Variants in ADGRB3 observed in about 807,000 individuals in gnomAD.
ADGRB3 encodes the protein brain-specific angiogenesis inhibitor 3.
ADGRB3 carries 37 observed loss-of-function variants against 193.4 expected under a neutral mutation model. The ratio of observed to expected loss-of-function variants is 0.19; its 90% CI spans 0.15 to 0.25. The LOEUF (loss-of-function observed/expected upper bound fraction) is 0.25, where lower values mean the gene tolerates loss of function less well. ADGRB3 is among the 10% of genes least tolerant of loss of function. The probability of loss-of-function intolerance (pLI) is 1.00; values close to 1 mark genes in which losing one functional copy is unlikely to be tolerated. For missense variants in ADGRB3, 1,637 were observed against 1,852.9 expected (o/e 0.88, Z 2.14); for synonymous variants, 690 against 644.2 (o/e 1.07, Z -1.08).
chr6:69,009,863 C>A (rs1000944894), intron 11 of ADGRB3, among the ~76,000 whole-genome samples: 1 of 152,052 alleles, frequency 6.6e-6, no homozygotes, highest in African/African-American at 2.4e-5. Context: ...TAATCTACAA[C>A]TCTATTTCCA....
At chr6:69,061,905 G>A (rs1445574860) in intron 15 of ADGRB3, among the ~76,000 whole-genome samples, 1 of 151,772 alleles carries the variant, frequency 6.6e-6, no homozygotes, top group African/African-American at 2.4e-5. Flanking sequence ...TACTTACATG[G>A]TAGTATATTA....
intron 13 of ADGRB3, among the ~76,000 whole-genome samples, chr6:69,036,024 A>T (rs1373683440): frequency 6.6e-6 from 1 of 152,166 alleles, no homozygotes; most frequent in East Asian, 1.9e-4. Context: ...AAGTCCAAGT[A>T]GACAGTTTAG....
intron 3 of ADGRB3, among the ~76,000 whole-genome samples, chr6:68,752,421 C>T (rs960743042): frequency 6.6e-6 from 1 of 151,776 alleles, no homozygotes; most frequent in Non-Finnish European, 1.5e-5. Context: ...AGATTACAGG[C>T]GTGCACCACC....
At chr6:69,080,788 T>C (rs1011310591) in intron 17 of ADGRB3, among the ~76,000 whole-genome samples, 1 of 152,088 alleles carries the variant, frequency 6.6e-6, no homozygotes, top group South Asian at 2.1e-4. Context: ...CTTCAAGAAG[T>C]TATGTTACCT....
chr6:69,285,240 T>C (rs917840943), intron 20 of ADGRB3, among the ~76,000 whole-genome samples: 1 of 152,182 alleles, frequency 6.6e-6, no homozygotes, highest in Non-Finnish European at 1.5e-5. Flanking sequence ...GAACAGAAAC[T>C]AGCCTATGAT....
At chr6:68,668,893 G>A (rs113886311) in intron 3 of ADGRB3, among the ~76,000 whole-genome samples, 12 of 151,802 alleles carry the variant, frequency 7.9e-5, no homozygotes, top group African/African-American at 2.7e-4. Context: ...AGTTGATCAG[G>A]TTCTCTTGTT....
chr6:68,947,653 G>T (rs1232576382), intron 6 of ADGRB3, among the ~76,000 whole-genome samples: 1 of 151,984 alleles, frequency 6.6e-6, no homozygotes, highest in African/African-American at 2.4e-5. Context: ...TAATATAATT[G>T]TGTCACTCAT....
At chr6:69,021,932 T>G (rs1377460751) in intron 13 of ADGRB3, among the ~76,000 whole-genome samples, 1 of 151,878 alleles carries the variant, frequency 6.6e-6, no homozygotes, top group Non-Finnish European at 1.5e-5. Flanking sequence ...TTGATCTTTT[T>G]CTTAAAAGAT....
chr6:69,327,802 A>G lies in ADGRB3; in HGVS notation c.2966-18A>G, dbSNP rs1561988719. 19 of 1,603,632 alleles carry G rather than the reference A, an allele frequency of 1.2e-5. No homozygotes were observed. Among genetic ancestry groups the G allele is most frequent in the Non-Finnish European group, 1.6e-5 (19 of 1,172,422 alleles). On this transcript the variant is annotated intron_variant, in intron 21 of 31. Transcript: ENST00000370598. ...GGTTATAGCTAAATATGAATGCGTG[A>G]CATTGCTTTTCTTGCAGGTTTACCA...
At chr6:69,370,227 G>A (rs1406889381) in intron 29 of ADGRB3, among the ~76,000 whole-genome samples, 1 of 152,110 alleles carries the variant, frequency 6.6e-6, no homozygotes, top group East Asian at 1.9e-4. Context: ...CCATCCCACT[G>A]GTGGGTAGCA....
At chr6:69,354,488 C>T (rs1192149055) in intron 27 of ADGRB3, among the ~76,000 whole-genome samples, 160 bp downstream of exon 27, 5 of 152,148 alleles carry the variant, frequency 3.3e-5, no homozygotes, top group Non-Finnish European at 7.4e-5. Flanking sequence ...AGTATTATTT[C>T]CAGATGGCTT....
intron 17 of ADGRB3, among the ~76,000 whole-genome samples, chr6:69,148,099 C>T (rs1332879146): frequency 6.6e-6 from 1 of 151,988 alleles, no homozygotes; most frequent in African/African-American, 2.4e-5. Flanking sequence ...ACTCTATGTC[C>T]TTGAATTAGA....
chr6:69,365,732 A>C (rs1420969158), intron 29 of ADGRB3, among the ~76,000 whole-genome samples: 1 of 152,048 alleles, frequency 6.6e-6, no homozygotes, highest in East Asian at 1.9e-4. Context: ...CAGAAAGGAC[A>C]CCATTCTAGG....
intron 17 of ADGRB3, among the ~76,000 whole-genome samples, chr6:69,193,787 G>A (rs1330229407): frequency 1.3e-5 from 2 of 151,552 alleles, no homozygotes; most frequent in Non-Finnish European, 2.9e-5. Context: ...GTAAACTAGG[G>A]GCAAGAAATA....
Position 69,361,125 on chromosome 6 carries a change from T to C in ADGRB3, c.3852T>C (p.Cys1284=). Residue 1284 remains cysteine (C), a synonymous_variant, in exon 29 of 32, where the codon TGT becomes TGC. Transcript: ENST00000370598. ...AATTGCGGAGAACTGTGTACTTATG[T>C]ACGGATGATAATTTGAGAGGGGCTG... ...NSELRRTVYL[C]TDDNLRGADM... 1 of 1,612,918 alleles carries C rather than the reference T, an allele frequency of 6.2e-7. No homozygotes were observed. The highest frequency in any genetic ancestry group is 8.5e-7 in the Non-Finnish European group (1 of 1,179,278).
At chr6:69,384,018 A>G (rs1770007802) in intron 31 of ADGRB3, among the ~76,000 whole-genome samples, 1 of 151,948 alleles carries the variant, frequency 6.6e-6, no homozygotes, top group Admixed American at 6.6e-5. Context: ...CTGATTAGTA[A>G]TGTTAGCTTC....
intron 26 of ADGRB3, among the ~76,000 whole-genome samples, chr6:69,345,316 C>T (rs1315923359): frequency 2.0e-5 from 3 of 152,076 alleles, no homozygotes; most frequent in Non-Finnish European, 2.9e-5. Context: ...AACTTCAGGC[C>T]AATTTCCCTG....
intron 17 of ADGRB3, among the ~76,000 whole-genome samples, chr6:69,201,156 A>G (rs1434562599): frequency 6.6e-6 from 1 of 152,068 alleles, no homozygotes; most frequent in African/African-American, 2.4e-5. Flanking sequence ...ACAAATAACA[A>G]AACACCATGA....
At chr6:68,757,679 A>G (rs1207586864) in intron 3 of ADGRB3, among the ~76,000 whole-genome samples, 1 of 152,022 alleles carries the variant, frequency 6.6e-6, no homozygotes, top group African/African-American at 2.4e-5. Flanking sequence ...TGAGACTTTT[A>G]TAGCATAATA....
Sources: gnomAD v4.1 joint callset for allele counts (sites outside exome capture counted in the v4.1 genomes callset) on GRCh38, gnomAD v4.1.1 for gene constraint, MANE v1.5 for transcripts, NCBI Gene and HGNC (gene_info 2026-07-23, HGNC 2026-07-21) for gene names.